Variants in FOCAD observed in about 807,000 individuals in gnomAD.
The protein encoded by FOCAD is focadhesin.
Under a neutral mutation model 225.6 loss-of-function variants are expected in FOCAD, and 198 were observed. The ratio of observed to expected loss-of-function variants is 0.88; its 90% CI spans 0.78 to 0.99. The LOEUF is 0.99. Ranked by LOEUF, FOCAD falls within the 50% of genes least tolerant of loss-of-function variation. FOCAD has a pLI of 0.00. For missense variants in FOCAD, 2,713 were observed against 2,123.6 expected, an observed-to-expected ratio of 1.28 and a Z score of -5.46; for synonymous variants, 897 against 755.0, an observed-to-expected ratio of 1.19 and a Z score of -3.08.
intron 35 of FOCAD, among the ~76,000 whole-genome samples, chr9:20,960,404 A>G (rs971666116): frequency 6.6e-6 from 1 of 152,132 alleles, no homozygotes; most frequent in Non-Finnish European, 1.5e-5. Context: ...TTTCTCCACT[A>G]TGAACTTATT....
chr9:20,678,102 C>G (rs1822288487), intron 2 of FOCAD, among the ~76,000 whole-genome samples: 1 of 152,158 alleles, frequency 6.6e-6, no homozygotes, highest in Non-Finnish European at 1.5e-5. Flanking sequence ...ACTCTCTGGT[C>G]CATTTCAGAA....
chr9:20,892,438 A>G (rs1047659694), intron 21 of FOCAD, among the ~76,000 whole-genome samples: 7 of 152,162 alleles, frequency 4.6e-5, no homozygotes, highest in African/African-American at 1.7e-4. Context: ...AGGTCAAGAT[A>G]TCAATGTTAA....
intron 35 of FOCAD, among the ~76,000 whole-genome samples, chr9:20,973,726 G>C (rs1284039598): frequency 6.6e-6 from 1 of 150,422 alleles, no homozygotes; most frequent in Non-Finnish European, 1.5e-5. Flanking sequence ...TTCAGCATCT[G>C]TTCATGGCCT....
chr9:20,936,868 A>G (rs1055647358), intron 28 of FOCAD, among the ~76,000 whole-genome samples: 2 of 152,246 alleles, frequency 1.3e-5, no homozygotes, highest in Non-Finnish European at 2.9e-5. Flanking sequence ...CTCATAGGCA[A>G]CTTCAGCAAA....
chr9:20,915,592 C>G (rs1415144919), intron 23 of FOCAD, among the ~76,000 whole-genome samples: 2 of 152,030 alleles, frequency 1.3e-5, no homozygotes, highest in Non-Finnish European at 1.5e-5. Flanking sequence ...CTAGAAGGAT[C>G]TAGAGAGAGT....
chr9:20,970,936 A>C (rs1444162387), intron 35 of FOCAD, among the ~76,000 whole-genome samples: 3 of 152,220 alleles, frequency 2.0e-5, no homozygotes, highest in Non-Finnish European at 4.4e-5. Context: ...ATCCAGCTTC[A>C]GAACTTTGAA....
intron 5 of FOCAD, among the ~76,000 whole-genome samples, chr9:20,750,983 T>G (rs1053165172): frequency 1.3e-5 from 2 of 152,120 alleles, no homozygotes; most frequent in East Asian, 3.9e-4. Flanking sequence ...TGGAAAGTAT[T>G]TAGTCTGATC....
At chr9:20,967,200 G>A (rs1431750168) in intron 35 of FOCAD, among the ~76,000 whole-genome samples, 2 of 151,972 alleles carry the variant, frequency 1.3e-5, no homozygotes, top group Admixed American at 6.6e-5. Context: ...AATCTCTTTA[G>A]CATATTCTAA....
intron 15 of FOCAD, among the ~76,000 whole-genome samples, chr9:20,859,976 A>T (rs557997685): frequency 3.9e-5 from 6 of 152,100 alleles, no homozygotes; most frequent in African/African-American, 1.4e-4. Context: ...AATGTTCCAA[A>T]CTTGAATGTG....
At chr9:20,995,247 A>T (rs1487481857) in intron 43 of FOCAD, among the ~76,000 whole-genome samples, 1 of 152,060 alleles carries the variant, frequency 6.6e-6, no homozygotes, top group East Asian at 1.9e-4. Context: ...TACAAAGGGA[A>T]CACAGCCATG....
intron 21 of FOCAD, among the ~76,000 whole-genome samples, chr9:20,903,788 G>A (rs1447679310): frequency 2.0e-5 from 3 of 151,856 alleles, no homozygotes; most frequent in Non-Finnish European, 4.4e-5. Flanking sequence ...GCAATTCACT[G>A]GCATTTAGTA....
At chr9:20,934,809 C>G (rs1835802719) in intron 28 of FOCAD, among the ~76,000 whole-genome samples, 1 of 152,062 alleles carries the variant, frequency 6.6e-6, no homozygotes, top group Non-Finnish European at 1.5e-5. Context: ...AGTAGCTCTT[C>G]TATATACCAA....
intron 15 of FOCAD, among the ~76,000 whole-genome samples, chr9:20,834,855 A>G (rs1399320931): frequency 6.6e-6 from 1 of 152,142 alleles, no homozygotes; most frequent in Non-Finnish European, 1.5e-5. Context: ...TGTGCTATAC[A>G]TACAAACTAT....
intron 18 of FOCAD, among the ~76,000 whole-genome samples, chr9:20,871,767 G>T (rs1829793422): frequency 8.8e-6 from 1 of 114,156 alleles, no homozygotes; most frequent in Non-Finnish European, 1.8e-5. Flanking sequence ...GTGGGGTGGG[G>T]GGTGGGGGGA....
chr9:20,850,986 T>C (rs866634049), intron 15 of FOCAD, among the ~76,000 whole-genome samples: 4 of 151,380 alleles, frequency 2.6e-5, no homozygotes, highest in Middle Eastern at 3.4e-3. Flanking sequence ...AGCGTCCAGC[T>C]TAGTACCTGG....
intron 10 of FOCAD, among the ~76,000 whole-genome samples, chr9:20,785,429 G>A (rs1819817016): frequency 6.6e-6 from 1 of 151,978 alleles, no homozygotes. Context: ...CTCAGGCTAG[G>A]CAGTCCCTAA....
intron 23 of FOCAD, among the ~76,000 whole-genome samples, chr9:20,914,182 T>C (rs1177573844): frequency 1.3e-5 from 2 of 152,156 alleles, no homozygotes; most frequent in Non-Finnish European, 2.9e-5. Context: ...CCTCACTTAA[T>C]TGGAACACAA....
intron 1 of FOCAD, among the ~76,000 whole-genome samples, chr9:20,714,638 T>TGCCTTCCTG (rs1563905518): frequency 9.0e-5 from 5 of 55,262 alleles, no homozygotes; most frequent in African/African-American, 3.4e-4. Context: ...CTGCCTGCCT[T>TGCCTTCCTG]CCTTCCTTCC....
chr9:20,810,829 T>A (rs1201585788), intron 11 of FOCAD, among the ~76,000 whole-genome samples: 1 of 152,074 alleles, frequency 6.6e-6, no homozygotes. Context: ...TCAAGTGATG[T>A]GATATTTGAC....
Sources: gnomAD v4.1 joint callset for allele counts (sites outside exome capture counted in the v4.1 genomes callset) on GRCh38, gnomAD v4.1.1 for gene constraint, MANE v1.5 for transcripts, NCBI Gene and HGNC (gene_info 2026-07-23, HGNC 2026-07-21) for gene names.